The following EFCAB6 variants were observed in gnomAD, a reference collection of about 807,000 sequenced individuals.
EFCAB6 encodes EF-hand calcium-binding domain-containing protein 6.
Under a neutral mutation model 169.8 loss-of-function variants are expected in EFCAB6, and 156 were observed. The observed-to-expected ratio is 0.92, with a 90% CI of 0.81 to 1.05. The LOEUF is 1.05. Among genes scored for constraint, EFCAB6 ranks in the 50% least tolerant of loss-of-function variants. The probability of loss-of-function intolerance (pLI) is 0.00; values close to 1 mark genes in which losing one functional copy is unlikely to be tolerated. For missense variants in EFCAB6, 1,800 were observed against 1,829.1 expected (o/e 0.98, Z 0.29); for synonymous variants, 698 against 676.4 (o/e 1.03, Z -0.50).
At position 43,580,373 on chromosome 22, in the gene EFCAB6, CAG is replaced by C. The variant is rs796816084; in HGVS notation, c.3228+89_3228+90del. The C allele has an allele frequency of 2.4e-5, 33 of 1,388,778 alleles. No homozygotes were observed. In the African/African-American group the frequency reaches 4.2e-4, roughly 17 times the overall value. 86.0% of individuals were successfully genotyped at this position (1,388,778 alleles called of 1,614,324 possible). ...AACTAGACACCCCAAGGAGAATGAA[CAG>C]AGGTGGGAGGGGTTTCAGGGTGGGG... On this transcript the variant is annotated intron_variant, in intron 25 of 31. Coordinates refer to ENST00000262726, the MANE Select transcript of EFCAB6 (RefSeq NM_022785.4).
intron 12 of EFCAB6, among the ~76,000 whole-genome samples, chr22:43,679,052 T>C (rs188749671): frequency 8.5e-5 from 13 of 152,294 alleles, no homozygotes; most frequent in African/African-American, 3.1e-4. Context: ...AAACTTTAAG[T>C]TACTTTAATA....
intron 21 of EFCAB6, among the ~76,000 whole-genome samples, chr22:43,612,974 G>A (rs920164916): frequency 1.3e-5 from 2 of 150,554 alleles, no homozygotes; most frequent in Non-Finnish European, 3.0e-5. Flanking sequence ...ACTGTTGGTG[G>A]GAGTGTAAAT....
chr22:43,742,637 G>A (rs897261046), intron 6 of EFCAB6, among the ~76,000 whole-genome samples: 22 of 152,210 alleles, frequency 1.4e-4, no homozygotes, highest in Non-Finnish European at 2.6e-4. Context: ...CCTCTTGCCC[G>A]TCTCCTGGCC....
intron 2 of EFCAB6, among the ~76,000 whole-genome samples, chr22:43,784,187 G>A (rs559052998): frequency 1.3e-5 from 2 of 152,266 alleles, no homozygotes; most frequent in Admixed American, 6.5e-5. Context: ...AAAGAGTAGA[G>A]TGAAATATTT....
At chr22:43,561,228 G>A (rs1278975276) in intron 26 of EFCAB6, among the ~76,000 whole-genome samples, 1 of 151,874 alleles carries the variant, frequency 6.6e-6, no homozygotes, top group Non-Finnish European at 1.5e-5. Context: ...GTGGTGGCGG[G>A]AGCCTGTAGT....
chr22:43,725,500 G>A (rs1464893809), intron 8 of EFCAB6, among the ~76,000 whole-genome samples: 5 of 152,304 alleles, frequency 3.3e-5, no homozygotes, highest in African/African-American at 9.6e-5. Context: ...CTTCACAGGG[G>A]CAGAGCCCTC....
intron 3 of EFCAB6, among the ~76,000 whole-genome samples, chr22:43,778,589 G>A (rs1301982838): frequency 6.6e-6 from 1 of 152,160 alleles, no homozygotes. Context: ...TGGCAGGTAG[G>A]CAGTAAAGCA....
intron 6 of EFCAB6, among the ~76,000 whole-genome samples, chr22:43,738,508 C>G (rs2060250651): frequency 6.8e-6 from 1 of 146,594 alleles, no homozygotes; most frequent in Non-Finnish European, 1.5e-5. Flanking sequence ...TATACTCACA[C>G]ACACCATATC....
intron 6 of EFCAB6, among the ~76,000 whole-genome samples, chr22:43,739,140 A>AC (rs1159477143): frequency 6.6e-5 from 10 of 152,234 alleles, no homozygotes; most frequent in African/African-American, 2.4e-4. Flanking sequence ...CTCTCTTAAA[A>AC]CGTCTCCAAT....
intron 11 of EFCAB6, among the ~76,000 whole-genome samples, chr22:43,685,546 G>C (rs73887380): frequency 1.3e-5 from 2 of 152,048 alleles, no homozygotes; most frequent in South Asian, 4.1e-4. Flanking sequence ...ACTGAAACTC[G>C]CTCAGTATAT....
chr22:43,641,123 G>C (rs1446809307), intron 17 of EFCAB6, among the ~76,000 whole-genome samples: 1 of 152,172 alleles, frequency 6.6e-6, no homozygotes, highest in African/African-American at 2.4e-5. Flanking sequence ...TATATGCCAA[G>C]AGCACATAGT....
intron 30 of EFCAB6, among the ~76,000 whole-genome samples, chr22:43,532,881 T>G (rs2047166954): frequency 1.3e-5 from 2 of 152,368 alleles, no homozygotes; most frequent in Middle Eastern, 3.4e-3. Context: ...GGTCCCTCCA[T>G]CTGAGTCATA....
chr22:43,723,490 A>T (rs1455096206), intron 8 of EFCAB6, among the ~76,000 whole-genome samples: 1 of 152,244 alleles, frequency 6.6e-6, no homozygotes, highest in Non-Finnish European at 1.5e-5. Context: ...TACACAATGT[A>T]CTCAGGGAAT....
rs1199287298 is a variant in EFCAB6, at chr22:43,590,185, G to A, written c.2921C>T (p.Thr974Ile). The part of the protein sequence containing the change: ...DRHQDISKAF[T>I]KTDQSKTNYI... ...GTTGGTTTTGGATTGATCAGTTTTG[G>A]TGAATGCTTTGCTGATATCTTGATG... Residue 974 changes from threonine (T) to isoleucine (I), a missense_variant, in exon 24 of 32, where the codon ACC becomes ATC. Physicochemically the swap from Thr to Ile is moderately conservative, Grantham distance 89. Coordinates refer to ENST00000262726, the MANE Select transcript of EFCAB6 (RefSeq NM_022785.4). 6.2e-7 allele frequency: 1 copy of A among 1,614,086 alleles called. No homozygotes were observed. Among genetic ancestry groups the A allele is most frequent in the Non-Finnish European group, 8.5e-7 (1 of 1,179,990 alleles).
intron 10 of EFCAB6, among the ~76,000 whole-genome samples, chr22:43,703,517 AGATGTATTAAAT>A (rs952191444): frequency 1.3e-4 from 20 of 152,350 alleles, no homozygotes; most frequent in African/African-American, 4.6e-4. Context: ...AAAGAAAGGA[AGATGTATTAAAT>A]GATAGACAAG....
intron 27 of EFCAB6, 22 bp from the exon 28 acceptor site, chr22:43,540,379 T>C (rs750147315): frequency 6.2e-7 from 1 of 1,613,392 alleles, no homozygotes; most frequent in South Asian, 1.1e-5. Context: ...GCAGAAGTCA[T>C]TTCCCAGGTG....
intron 17 of EFCAB6, among the ~76,000 whole-genome samples, chr22:43,645,949 A>C (rs1038342900): frequency 4.6e-5 from 7 of 152,344 alleles, no homozygotes; most frequent in Non-Finnish European, 8.8e-5. Flanking sequence ...TAATGCATTG[A>C]CCAGACATGT....
At chr22:43,576,984 G>A (rs1252855663) in intron 25 of EFCAB6, among the ~76,000 whole-genome samples, 1 of 152,166 alleles carries the variant, frequency 6.6e-6, no homozygotes, top group African/African-American at 2.4e-5. Context: ...GAGCAGCTGG[G>A]AGGAGGGATC....
At chr22:43,591,123 TG>T (rs375649652) in intron 23 of EFCAB6, among the ~76,000 whole-genome samples, 26 of 123,344 alleles carry the variant, frequency 2.1e-4, no homozygotes, top group East Asian at 1.3e-3. Flanking sequence ...TTTTTTTTTT[TG>T]TTTTTTTTTT....
Sources: gnomAD v4.1 joint callset for allele counts (sites outside exome capture counted in the v4.1 genomes callset) on GRCh38, gnomAD v4.1.1 for gene constraint, MANE v1.5 for transcripts, NCBI Gene and HGNC (gene_info 2026-07-23, HGNC 2026-07-21) for gene names.